LINGO2: variants seen among roughly 807,000 people sequenced by gnomAD.
LINGO2 encodes the protein leucine rich repeat and Ig domain containing 2.
In LINGO2, 14 loss-of-function variants were observed where a neutral mutation model predicts 30.6. The observed-to-expected ratio is 0.46, with a 90% confidence interval of 0.30 to 0.72. The LOEUF (loss-of-function observed/expected upper bound fraction) is 0.72. LINGO2 is among the 30% of genes least tolerant of loss of function. LINGO2 has a pLI of 0.07. For synonymous variants in LINGO2, 317 were observed against 288.5 expected (o/e 1.10, Z -1.00); for missense variants, 729 against 751.7 (o/e 0.97, Z 0.35).
chr9:28,848,068 TA>T, the LINGO2 span, among the ~76,000 whole-genome samples: 15,363 of 87,370 alleles, frequency 0.18, 3,843 homozygotes, highest in East Asian at 0.41. Flanking sequence ...TATATGTATA[TA>T]ATATATATAT....
At chr9:28,702,289 A>T in the LINGO2 span, among the ~76,000 whole-genome samples, 3 of 151,736 alleles carry the variant, frequency 2.0e-5, no homozygotes, top group Non-Finnish European at 4.4e-5. Context: ...ACCAAGTAGA[A>T]GAAGTTTCCC....
At chr9:28,894,199 T>C in the LINGO2 span, among the ~76,000 whole-genome samples, 1 of 152,032 alleles carries the variant, frequency 6.6e-6, no homozygotes, top group African/African-American at 2.4e-5. Context: ...GTGAATAGTG[T>C]CACAATAAAC....
intron 4 of LINGO2, among the ~76,000 whole-genome samples, chr9:28,198,136 G>A (rs1351010080): frequency 1.3e-5 from 2 of 149,196 alleles, no homozygotes; most frequent in East Asian, 3.9e-4. Context: ...ATATATTTGA[G>A]GAACAACATT....
chr9:28,437,323 C>G (rs113778893), intron 2 of LINGO2, among the ~76,000 whole-genome samples: 1,782 of 152,236 alleles, frequency 0.012, 20 homozygotes, highest in Middle Eastern at 0.031. Flanking sequence ...ACACGAGCAG[C>G]CTCCCCACTC....
At chr9:28,628,991 C>A (rs182428508) in intron 1 of LINGO2, among the ~76,000 whole-genome samples, 2 of 152,196 alleles carry the variant, frequency 1.3e-5, no homozygotes, top group South Asian at 2.1e-4. Flanking sequence ...TTATTTTATA[C>A]AATGAGTAGC....
the LINGO2 span, among the ~76,000 whole-genome samples, chr9:28,741,040 A>C: frequency 6.6e-6 from 1 of 151,864 alleles, no homozygotes; most frequent in East Asian, 1.9e-4. Flanking sequence ...CCTGAAACTG[A>C]GTTCACATGA....
chr9:28,337,124 G>A (rs1057114317), intron 3 of LINGO2, among the ~76,000 whole-genome samples: 1 of 149,612 alleles, frequency 6.7e-6, no homozygotes, highest in Admixed American at 6.7e-5. Context: ...TGTATATAGA[G>A]AAATTCCTGA....
intron 3 of LINGO2, among the ~76,000 whole-genome samples, chr9:28,327,722 C>A (rs533742653): frequency 1.3e-4 from 20 of 152,244 alleles, no homozygotes; most frequent in African/African-American, 4.8e-4. Flanking sequence ...GGCAATAAAA[C>A]AGTTGGTTAA....
intron 3 of LINGO2, among the ~76,000 whole-genome samples, chr9:28,311,113 G>A (rs946011215): frequency 6.6e-6 from 1 of 151,990 alleles, no homozygotes; most frequent in African/African-American, 2.4e-5. Context: ...GGATGTCCGG[G>A]GGAGACATCA....
At chr9:28,154,322 C>T (rs1008203456) in intron 4 of LINGO2, among the ~76,000 whole-genome samples, 1 of 152,140 alleles carries the variant, frequency 6.6e-6, no homozygotes, top group African/African-American at 2.4e-5. Context: ...CGTTTTCCTA[C>T]TCAAAATAAA....
intron 2 of LINGO2, among the ~76,000 whole-genome samples, chr9:28,406,819 A>G (rs1235203088): frequency 6.6e-6 from 1 of 152,318 alleles, no homozygotes; most frequent in Admixed American, 6.5e-5. Context: ...TGAAAAAGCT[A>G]TTTTAATTCA....
At chr9:28,951,768 A>T in the LINGO2 span, among the ~76,000 whole-genome samples, 4 of 152,072 alleles carry the variant, frequency 2.6e-5, no homozygotes, top group Admixed American at 2.0e-4. Context: ...GTGCTTCCTG[A>T]GATTACTCTC....
At chr9:28,752,709 C>G in the LINGO2 span, among the ~76,000 whole-genome samples, 1 of 151,912 alleles carries the variant, frequency 6.6e-6, no homozygotes. Context: ...ACATTTTAGT[C>G]CGGCTCCCAA....
chr9:29,006,203 A>T, the LINGO2 span, among the ~76,000 whole-genome samples: 3 of 151,906 alleles, frequency 2.0e-5, no homozygotes, highest in Non-Finnish European at 4.4e-5. Context: ...AAACAAGAAA[A>T]CATGAATGAT....
chr9:29,203,124 G>A, the LINGO2 span, among the ~76,000 whole-genome samples: 1 of 152,036 alleles, frequency 6.6e-6, no homozygotes, highest in Non-Finnish European at 1.5e-5. Context: ...CAAAAATAAG[G>A]TAAGATCAGG....
At chr9:28,720,320 T>C in the LINGO2 span, among the ~76,000 whole-genome samples, 2 of 152,128 alleles carry the variant, frequency 1.3e-5, no homozygotes, top group African/African-American at 4.8e-5. Flanking sequence ...TTCTGAACTG[T>C]TTGTGCATAA....
the LINGO2 span, among the ~76,000 whole-genome samples, chr9:28,855,355 A>G: frequency 1.3e-5 from 2 of 151,982 alleles, no homozygotes; most frequent in Non-Finnish European, 2.9e-5. Context: ...AACCTGCTGT[A>G]ATGAAAGAAG....
intron 1 of LINGO2, among the ~76,000 whole-genome samples, chr9:28,493,103 C>G (rs1367334283): frequency 1.3e-5 from 2 of 152,162 alleles, no homozygotes; most frequent in Admixed American, 1.3e-4. Flanking sequence ...TCCTCATCCA[C>G]AGTCCTTAGT....
chr9:28,362,367 A>G (rs1014926246), intron 3 of LINGO2, among the ~76,000 whole-genome samples: 2 of 152,230 alleles, frequency 1.3e-5, no homozygotes, highest in African/African-American at 4.8e-5. Flanking sequence ...AAATACAAAT[A>G]AAATTATACA....
Sources: gnomAD v4.1 joint callset for allele counts (sites outside exome capture counted in the v4.1 genomes callset) on GRCh38, gnomAD v4.1.1 for gene constraint, MANE v1.5 for transcripts, NCBI Gene and HGNC (gene_info 2026-07-23, HGNC 2026-07-21) for gene names.